The following RIMS2 variants were observed in gnomAD, a reference collection of about 807,000 sequenced individuals.
RIMS2 encodes regulating synaptic membrane exocytosis 2, also known as regulating synaptic membrane exocytosis protein 2.
Under a neutral mutation model 174.4 loss-of-function variants are expected in RIMS2, and 59 were observed. That is an observed-to-expected ratio of 0.34 (90% confidence interval 0.27 to 0.42). RIMS2 has a LOEUF of 0.42. Among genes scored for constraint, RIMS2 ranks in the 10% least tolerant of loss-of-function variants. The pLI is 1.00. For missense variants in RIMS2, 1,620 were observed against 1,666.3 expected (o/e 0.97, Z 0.48); for synonymous variants, 606 against 572.5 (o/e 1.06, Z -0.84).
At chr8:103,572,356 G>A (rs1049938264) in intron 1 of RIMS2, among the ~76,000 whole-genome samples, 2 of 106,306 alleles carry the variant, frequency 1.9e-5, no homozygotes, top group African/African-American at 4.0e-5. Flanking sequence ...ACGCCTTGCC[G>A]ATTGGTCCAT....
At chr8:103,629,118 C>A (rs1031917745) in intron 1 of RIMS2, among the ~76,000 whole-genome samples, 23 of 152,178 alleles carry the variant, frequency 1.5e-4, no homozygotes, top group Admixed American at 1.4e-3. Context: ...GATAGTACCC[C>A]TTTGCCCCTA....
At chr8:103,924,648 A>G (rs925323944) in intron 10 of RIMS2, among the ~76,000 whole-genome samples, 5 of 151,658 alleles carry the variant, frequency 3.3e-5, no homozygotes, top group Non-Finnish European at 5.9e-5. Flanking sequence ...ATGCCTGAGA[A>G]CAATGATAAT....
At chr8:103,851,280 A>G (rs2098996438) in intron 3 of RIMS2, among the ~76,000 whole-genome samples, 3 of 151,972 alleles carry the variant, frequency 2.0e-5, no homozygotes, top group African/African-American at 2.4e-5. Flanking sequence ...TTCTATTGGT[A>G]TGTGGTACTA....
At chr8:104,210,922 C>T (rs1299416310) in intron 19 of RIMS2, among the ~76,000 whole-genome samples, 1 of 152,102 alleles carries the variant, frequency 6.6e-6, no homozygotes, top group Non-Finnish European at 1.5e-5. Flanking sequence ...GTAAGATGAT[C>T]GACTGCAATC....
chr8:103,939,244 A>G (rs1004209195), intron 13 of RIMS2, among the ~76,000 whole-genome samples: 2 of 152,184 alleles, frequency 1.3e-5, no homozygotes, highest in African/African-American at 4.8e-5. Flanking sequence ...AGGCATTTCC[A>G]TACATCCTCT....
At chr8:103,768,955 G>T in intron 3 of RIMS2, 1 of 387,662 alleles carries the variant, frequency 2.6e-6, no homozygotes, top group South Asian at 2.6e-5. Flanking sequence ...GAAGCGTCAG[G>T]AACAAATTGC....
At chr8:103,900,048 C>A (rs1170116322) in intron 4 of RIMS2, among the ~76,000 whole-genome samples, 3 of 151,574 alleles carry the variant, frequency 2.0e-5, no homozygotes, top group Admixed American at 2.0e-4. Context: ...GGTATTATTT[C>A]TGAGGGCTCT....
chr8:104,159,776 A>G (rs958918858), intron 19 of RIMS2, among the ~76,000 whole-genome samples: 1 of 152,188 alleles, frequency 6.6e-6, no homozygotes. Context: ...ATCAGGTTCC[A>G]GGGGGTTTTT....
At chr8:103,805,949 A>G (rs1301585807) in intron 3 of RIMS2, among the ~76,000 whole-genome samples, 1 of 152,124 alleles carries the variant, frequency 6.6e-6, no homozygotes, top group Non-Finnish European at 1.5e-5. Context: ...TGGCAAGACT[A>G]CAGTGTGTGG....
At chr8:103,894,046 A>G (rs2099263381) in intron 4 of RIMS2, among the ~76,000 whole-genome samples, 1 of 152,124 alleles carries the variant, frequency 6.6e-6, no homozygotes, top group African/African-American at 2.4e-5. Flanking sequence ...CCATCACAGT[A>G]TTATCAACTC....
chr8:103,525,379 A>T (rs936411124), intron 1 of RIMS2, among the ~76,000 whole-genome samples: 3 of 152,178 alleles, frequency 2.0e-5, no homozygotes, highest in African/African-American at 7.2e-5. Flanking sequence ...AAAAGACAGA[A>T]ATTAGGTTAG....
intron 19 of RIMS2, among the ~76,000 whole-genome samples, chr8:104,157,759 G>T (rs117371956): frequency 6.6e-6 from 1 of 152,094 alleles, no homozygotes; most frequent in African/African-American, 2.4e-5. Flanking sequence ...TCTGGCTATT[G>T]TGAATAATGC....
intron 19 of RIMS2, among the ~76,000 whole-genome samples, chr8:104,157,960 C>T (rs1838936): frequency 0.28 from 42,945 of 152,004 alleles, 6,262 homozygotes; most frequent in Non-Finnish European, 0.32. Flanking sequence ...ATGTGCACAA[C>T]GTGCAGGTTT....
chr8:104,248,103 T>C (rs1434506436), intron 20 of RIMS2, among the ~76,000 whole-genome samples: 1 of 152,036 alleles, frequency 6.6e-6, no homozygotes, highest in East Asian at 1.9e-4. Flanking sequence ...CAGATAATTT[T>C]AGTGGAGTGG....
At chr8:103,973,309 T>G (rs548723826) in intron 15 of RIMS2, among the ~76,000 whole-genome samples, 160 of 152,040 alleles carry the variant, frequency 1.1e-3, no homozygotes, top group Non-Finnish European at 1.5e-3. Flanking sequence ...CTTGGCAGAG[T>G]TGTTTTGTAT....
intron 3 of RIMS2, among the ~76,000 whole-genome samples, chr8:103,769,629 T>C (rs986485403): frequency 1.3e-5 from 2 of 152,116 alleles, no homozygotes; most frequent in Admixed American, 1.3e-4. Context: ...CCCGGTTGCC[T>C]ATCTGTAATC....
chr8:104,041,278 C>T (rs1419981438), intron 19 of RIMS2, 48 bp from the exon 22 acceptor site: 1 of 636,254 alleles, frequency 1.6e-6, no homozygotes, highest in Admixed American at 2.2e-5. Context: ...CATCCACTCA[C>T]TCCCATCTCC....
intron 4 of RIMS2, among the ~76,000 whole-genome samples, chr8:103,908,232 G>A (rs866647261): frequency 6.6e-6 from 1 of 151,970 alleles, no homozygotes; most frequent in Non-Finnish European, 1.5e-5. Flanking sequence ...TAGTAGAGAT[G>A]GGACTTTACC....
At chr8:103,887,857 A>T (rs1222583659) in intron 4 of RIMS2, among the ~76,000 whole-genome samples, 1 of 151,648 alleles carries the variant, frequency 6.6e-6, no homozygotes, top group African/African-American at 2.4e-5. Flanking sequence ...ACTGAGTAAC[A>T]TAAGGAAGAT....
Sources: allele counts gnomAD v4.1 joint callset (sites outside exome capture counted in the v4.1 genomes callset), GRCh38; gene constraint gnomAD v4.1.1; transcripts MANE v1.5; gene names NCBI Gene and HGNC (gene_info 2026-07-23, HGNC 2026-07-21).